Variants in LINGO2 observed in about 807,000 individuals in gnomAD.
The protein encoded by LINGO2 is leucine rich repeat and Ig domain containing 2.
LINGO2 carries 14 observed loss-of-function variants against 30.6 expected under a neutral mutation model. That is an observed-to-expected ratio of 0.46 (90% CI 0.30 to 0.72). The LOEUF (loss-of-function observed/expected upper bound fraction) is 0.72, where lower values mean the gene tolerates loss of function less well. Ranked by LOEUF, LINGO2 falls within the 30% of genes least tolerant of loss-of-function variation. The pLI is 0.07. For synonymous variants in LINGO2, 317 were observed against 288.5 expected (o/e 1.10, Z -1.00); for missense variants, 729 against 751.7 (o/e 0.97, Z 0.35).
At chr9:28,020,419 C>T (rs1823054264) in intron 4 of LINGO2, among the ~76,000 whole-genome samples, 1 of 152,150 alleles carries the variant, frequency 6.6e-6, no homozygotes, top group Non-Finnish European at 1.5e-5. Flanking sequence ...ATCCCAGCTA[C>T]TCAGGAGGCT....
chr9:28,162,508 T>C (rs569874427), intron 4 of LINGO2, among the ~76,000 whole-genome samples: 8 of 152,094 alleles, frequency 5.3e-5, no homozygotes, highest in Non-Finnish European at 8.8e-5. Flanking sequence ...CTCAGAATCA[T>C]ATGGTGTCAA....
the LINGO2 span, among the ~76,000 whole-genome samples, chr9:28,850,732 G>A: frequency 6.6e-6 from 1 of 151,968 alleles, no homozygotes; most frequent in Admixed American, 6.6e-5. Flanking sequence ...TTAGAAATGA[G>A]CTAACATTGT....
chr9:28,594,071 G>A lies in LINGO2; in HGVS notation c.-365+76129C>T, dbSNP rs567636609. The stretch of plus-strand genomic sequence containing the variant: ...AATAAAAAAAAACACAAAAGTACCC[G>A]TGTTATAATATTACAGTGATGATAC... On this transcript the variant is annotated intron_variant, in intron 1 of 5. Transcript: ENST00000379992. Among the ~76,000 whole-genome samples the A allele has an allele frequency of 4.0e-5, 6 of 151,878 alleles. No individual in the cohort carries two copies. In the East Asian group the frequency reaches 7.7e-4, roughly 20 times the overall value.
chr9:28,824,548 G>C, the LINGO2 span, among the ~76,000 whole-genome samples: 1 of 152,102 alleles, frequency 6.6e-6, no homozygotes, highest in Non-Finnish European at 1.5e-5. Flanking sequence ...TCAAGTTTCA[G>C]AAAACTCTGA....
At chr9:28,660,353 TTAGA>T (rs1453338998) in intron 1 of LINGO2, among the ~76,000 whole-genome samples, 1 of 151,866 alleles carries the variant, frequency 6.6e-6, no homozygotes, top group African/African-American at 2.4e-5. Context: ...ATAAAAGGGA[TTAGA>T]TAAATAAAAA....
the LINGO2 span, among the ~76,000 whole-genome samples, chr9:28,926,262 C>A: frequency 7.9e-5 from 12 of 151,912 alleles, no homozygotes; most frequent in African/African-American, 2.7e-4. Context: ...TGCAGTGAGC[C>A]GAGATCGTGC....
At chr9:28,716,150 T>C in the LINGO2 span, among the ~76,000 whole-genome samples, 8 of 151,594 alleles carry the variant, frequency 5.3e-5, no homozygotes, top group Non-Finnish European at 1.2e-4. Context: ...CCTTCAAAAC[T>C]TTTTCAGCAT....
chr9:28,105,719 A>ACTCTCT (rs369866533), intron 4 of LINGO2, among the ~76,000 whole-genome samples: 2 of 147,756 alleles, frequency 1.4e-5, no homozygotes, highest in Non-Finnish European at 3.0e-5. Flanking sequence ...AACCTGTCTC[A>ACTCTCT]CTCTCTCTCT....
At chr9:29,054,916 A>G in the LINGO2 span, among the ~76,000 whole-genome samples, 1 of 152,102 alleles carries the variant, frequency 6.6e-6, no homozygotes, top group Admixed American at 6.5e-5. Context: ...CTAGACTTCG[A>G]TCTTTTAAAA....
At chr9:29,169,464 A>G in the LINGO2 span, among the ~76,000 whole-genome samples, 1 of 152,180 alleles carries the variant, frequency 6.6e-6, no homozygotes, top group Non-Finnish European at 1.5e-5. Flanking sequence ...AAAGTGGGCA[A>G]AAGACATACA....
At chr9:28,690,825 T>C in the LINGO2 span, among the ~76,000 whole-genome samples, 9 of 152,206 alleles carry the variant, frequency 5.9e-5, no homozygotes, top group African/African-American at 7.2e-5. Context: ...TTAAGATTAA[T>C]AGACCAAAAT....
chr9:28,433,797 A>G (rs1823778860), intron 2 of LINGO2, among the ~76,000 whole-genome samples: 1 of 151,928 alleles, frequency 6.6e-6, no homozygotes, highest in Non-Finnish European at 1.5e-5. Context: ...AAGGAAAACA[A>G]ATCATTATAT....
chr9:28,047,150 C>T (rs959013079), intron 4 of LINGO2, among the ~76,000 whole-genome samples: 1 of 152,122 alleles, frequency 6.6e-6, no homozygotes, highest in East Asian at 1.9e-4. Flanking sequence ...GAAGGCTAGA[C>T]AGGTAGGTAT....
chr9:28,446,642 T>C (rs536948712), intron 2 of LINGO2, among the ~76,000 whole-genome samples: 2 of 152,370 alleles, frequency 1.3e-5, no homozygotes, highest in African/African-American at 4.8e-5. Context: ...AGCACTGTTA[T>C]TTTTCTCCCT....
chr9:29,189,134 C>G, the LINGO2 span, among the ~76,000 whole-genome samples: 2 of 129,978 alleles, frequency 1.5e-5, no homozygotes, highest in African/African-American at 5.5e-5. Context: ...GGCGGCTGGC[C>G]GGGCGGGGGG....
chr9:28,077,372 A>G lies in LINGO2; in HGVS notation c.-86-64967T>C, dbSNP rs778769290. Among the ~76,000 whole-genome samples, 21 of 152,320 alleles carry G rather than the reference A, an allele frequency of 1.4e-4. 1 individual carries two copies. The highest frequency in any genetic ancestry group is 5.2e-4 in the Admixed American group (8 of 15,292). ...ATCTAATCAAGTGAGTCTTACAAAA[A>G]TGTGCTCCCATTTTGTATACTATCT... On this transcript the variant is annotated intron_variant, in intron 4 of 5. Coordinates refer to ENST00000379992, the Ensembl canonical transcript of LINGO2.
At chr9:28,022,908 G>C (rs1173461890) in intron 4 of LINGO2, among the ~76,000 whole-genome samples, 1 of 151,690 alleles carries the variant, frequency 6.6e-6, no homozygotes, top group East Asian at 1.9e-4. Context: ...GGCTTCTATT[G>C]TGACTTATCT....
intron 4 of LINGO2, among the ~76,000 whole-genome samples, chr9:28,198,883 T>C (rs1269576361): frequency 6.6e-6 from 1 of 152,180 alleles, no homozygotes; most frequent in Non-Finnish European, 1.5e-5. Flanking sequence ...CATCCGTTGC[T>C]AGCTTTTGAA....
At chr9:28,643,520 C>T (rs1335580229) in intron 1 of LINGO2, among the ~76,000 whole-genome samples, 2 of 152,104 alleles carry the variant, frequency 1.3e-5, no homozygotes, top group East Asian at 1.9e-4. Context: ...TCTCTCACCA[C>T]ATGCAAAAAT....
Sources: allele counts gnomAD v4.1 joint callset (sites outside exome capture counted in the v4.1 genomes callset), GRCh38; gene constraint gnomAD v4.1.1; transcripts MANE v1.5; gene names NCBI Gene and HGNC (gene_info 2026-07-23, HGNC 2026-07-21).